The following CNTN4 variants were observed in gnomAD, a reference collection of about 807,000 sequenced individuals.
CNTN4 encodes contactin 4, also known as contactin-4.
CNTN4 carries 77 observed loss-of-function variants against 122.5 expected under a neutral mutation model. The ratio of observed to expected loss-of-function variants is 0.63; its 90% CI spans 0.52 to 0.76. CNTN4 has a LOEUF of 0.76. CNTN4 is among the 30% of genes least tolerant of loss of function. The probability of loss-of-function intolerance (pLI) is 0.00; values close to 1 mark genes in which losing one functional copy is unlikely to be tolerated. For missense variants in CNTN4, 1,256 were observed against 1,259.1 expected, an observed-to-expected ratio of 1.00 and a Z score of 0.04; for synonymous variants, 512 against 447.0, an observed-to-expected ratio of 1.15 and a Z score of -1.83.
intron 2 of CNTN4, among the ~76,000 whole-genome samples, chr3:2,198,485 G>C (rs1252436059): frequency 6.6e-6 from 1 of 152,074 alleles, no homozygotes; most frequent in Non-Finnish European, 1.5e-5. Flanking sequence ...TTATGGTTGT[G>C]AAATCATACA....
chr3:2,172,147 T>A (rs188753989), intron 2 of CNTN4, among the ~76,000 whole-genome samples: 1 of 152,070 alleles, frequency 6.6e-6, no homozygotes, highest in Non-Finnish European at 1.5e-5. Flanking sequence ...TAAGAATGAT[T>A]AGAAAATTGA....
At chr3:2,441,471 A>G (rs2048437153) in intron 3 of CNTN4, among the ~76,000 whole-genome samples, 1 of 152,204 alleles carries the variant, frequency 6.6e-6, no homozygotes, top group African/African-American at 2.4e-5. Context: ...TCATGGAGAA[A>G]TATTCTAACA....
At chr3:2,447,239 A>T (rs951636368) in intron 3 of CNTN4, among the ~76,000 whole-genome samples, 2 of 152,166 alleles carry the variant, frequency 1.3e-5, no homozygotes, top group African/African-American at 4.8e-5. Context: ...AAGGAGCCTA[A>T]GCATATTGCC....
chr3:2,447,098 C>A (rs2048655034), intron 3 of CNTN4, among the ~76,000 whole-genome samples: 1 of 152,152 alleles, frequency 6.6e-6, no homozygotes, highest in African/African-American at 2.4e-5. Context: ...CCTCTACTAA[C>A]TGCCTTCTAT....
intron 2 of CNTN4, among the ~76,000 whole-genome samples, chr3:2,309,300 A>G (rs1153483): frequency 0.31 from 47,031 of 151,904 alleles, 7,898 homozygotes; most frequent in East Asian, 0.52. Context: ...TACTGTTTGC[A>G]TATGTCCTTT....
intron 2 of CNTN4, among the ~76,000 whole-genome samples, chr3:2,282,313 T>C (rs1446804751): frequency 1.3e-5 from 2 of 152,270 alleles, no homozygotes; most frequent in East Asian, 3.9e-4. Flanking sequence ...TCCATTTTTC[T>C]CTAAGGCATC....
intron 2 of CNTN4, among the ~76,000 whole-genome samples, chr3:2,326,485 TACACACACACACACACACACAC>T (rs10557917): frequency 2.4e-5 from 3 of 125,972 alleles, no homozygotes; most frequent in Non-Finnish European, 3.6e-5. Context: ...CTAATAAATT[TACACACACACACACACACACAC>T]ACACACACAC....
intron 3 of CNTN4, among the ~76,000 whole-genome samples, chr3:2,433,706 T>G (rs2048158633): frequency 6.6e-6 from 1 of 152,210 alleles, no homozygotes; most frequent in South Asian, 2.1e-4. Context: ...AGACCAATGT[T>G]GCGGAGCATT....
chr3:2,366,385 T>A (rs994534064), intron 3 of CNTN4, among the ~76,000 whole-genome samples: 2 of 152,200 alleles, frequency 1.3e-5, no homozygotes, highest in East Asian at 3.8e-4. Context: ...TAAAAACTTA[T>A]GCCCATTTCA....
intron 2 of CNTN4, among the ~76,000 whole-genome samples, chr3:2,268,245 C>A (rs1486625331): frequency 1.3e-5 from 2 of 152,066 alleles, no homozygotes; most frequent in African/African-American, 4.8e-5. Flanking sequence ...GGTTCCCTTT[C>A]TTTCCATTCT....
intron 3 of CNTN4, among the ~76,000 whole-genome samples, chr3:2,552,082 A>C (rs73001927): frequency 0.057 from 8,721 of 152,270 alleles, 347 homozygotes; most frequent in Non-Finnish European, 0.086. Flanking sequence ...AAAGTGAGGC[A>C]TAGAGCATAC....
intron 13 of CNTN4, among the ~76,000 whole-genome samples, chr3:2,945,834 A>C (rs140922134): frequency 2.6e-5 from 4 of 152,310 alleles, no homozygotes; most frequent in Non-Finnish European, 4.4e-5. Flanking sequence ...AAACCTAAAA[A>C]ATCAAGGGCT....
intron 2 of CNTN4, among the ~76,000 whole-genome samples, chr3:2,140,401 G>A (rs967552107): frequency 5.9e-5 from 9 of 152,070 alleles, no homozygotes; most frequent in African/African-American, 2.2e-4. Flanking sequence ...CCATTTTCTG[G>A]GTAGCTCCTA....
chr3:3,008,729 G>A (rs1286309668), intron 14 of CNTN4, among the ~76,000 whole-genome samples: 1 of 152,152 alleles, frequency 6.6e-6, no homozygotes. Flanking sequence ...AAACGACCCA[G>A]ATTTCTAGAG....
intron 3 of CNTN4, among the ~76,000 whole-genome samples, chr3:2,357,878 G>A (rs1319250299): frequency 6.6e-6 from 1 of 152,108 alleles, no homozygotes; most frequent in Non-Finnish European, 1.5e-5. Flanking sequence ...AAATACTGGG[G>A]TACTCAATGA....
chr3:2,933,738 A>C (rs190093546), intron 13 of CNTN4, among the ~76,000 whole-genome samples: 1 of 152,272 alleles, frequency 6.6e-6, no homozygotes, highest in East Asian at 1.9e-4. Context: ...CTGGCATAGC[A>C]TAAGTGCTAT....
At chr3:2,781,939 G>T (rs575081708) in intron 6 of CNTN4, among the ~76,000 whole-genome samples, 2 of 147,440 alleles carry the variant, frequency 1.4e-5, no homozygotes, top group South Asian at 2.2e-4. Context: ...TAGCCAGGAT[G>T]GTCTCGATCT....
intron 6 of CNTN4, among the ~76,000 whole-genome samples, chr3:2,754,143 A>C (rs774073660): frequency 2.0e-5 from 3 of 152,168 alleles, no homozygotes; most frequent in African/African-American, 7.2e-5. Context: ...TGAACTTTAA[A>C]TGTAGATTAT....
intron 3 of CNTN4, among the ~76,000 whole-genome samples, chr3:2,365,987 T>G (rs17013303): frequency 0.018 from 2,723 of 152,316 alleles, 89 homozygotes; most frequent in African/African-American, 0.063. Flanking sequence ...ATTGTAGACA[T>G]TTTTCAAAGC....
Sources: allele counts gnomAD v4.1 joint callset (sites outside exome capture counted in the v4.1 genomes callset), GRCh38; gene constraint gnomAD v4.1.1; transcripts MANE v1.5; gene names NCBI Gene and HGNC (gene_info 2026-07-23, HGNC 2026-07-21).